CPA6: variants seen among roughly 807,000 people sequenced by gnomAD.
CPA6 encodes carboxypeptidase B.
CPA6 carries 58 observed loss-of-function variants against 63.3 expected under a neutral mutation model. The observed-to-expected ratio is 0.92, with a 90% confidence interval of 0.74 to 1.14. The LOEUF (loss-of-function observed/expected upper bound fraction) is 1.14, where lower values mean the gene tolerates loss of function less well. Ranked by LOEUF, CPA6 falls within the 50% of genes most tolerant of loss-of-function variation. CPA6 has a pLI of 0.00. For missense variants in CPA6, 565 were observed against 526.6 expected, an observed-to-expected ratio of 1.07 and a Z score of -0.71; for synonymous variants, 185 against 179.0, an observed-to-expected ratio of 1.03 and a Z score of -0.27.
At chr8:67,685,544 G>A (rs780990796) in intron 1 of CPA6, among the ~76,000 whole-genome samples, 4 of 152,192 alleles carry the variant, frequency 2.6e-5, no homozygotes, top group African/African-American at 9.6e-5. Flanking sequence ...GCGTGAGCCC[G>A]GGAGGCGGAG....
chr8:67,454,975 G>A (rs1409322102), intron 8 of CPA6, among the ~76,000 whole-genome samples: 1 of 152,096 alleles, frequency 6.6e-6, no homozygotes, highest in Non-Finnish European at 1.5e-5. Flanking sequence ...GAGAGAGCAG[G>A]GAAGATTAGG....
intron 1 of CPA6, among the ~76,000 whole-genome samples, chr8:67,653,656 G>A (rs1195390613): frequency 6.6e-6 from 1 of 152,060 alleles, no homozygotes; most frequent in Non-Finnish European, 1.5e-5. Context: ...AGACAATGGG[G>A]TTTTCTAGAT....
At chr8:67,444,490 G>A (rs1044410361) in intron 8 of CPA6, among the ~76,000 whole-genome samples, 1 of 151,772 alleles carries the variant, frequency 6.6e-6, no homozygotes, top group Non-Finnish European at 1.5e-5. Context: ...ATCATTTTGT[G>A]AAAGTAAAAT....
chr8:67,596,007 T>G (rs904062856), intron 2 of CPA6, among the ~76,000 whole-genome samples: 13 of 152,244 alleles, frequency 8.5e-5, no homozygotes, highest in Admixed American at 5.2e-4. Flanking sequence ...ACTGGAGCTG[T>G]TCCTATTCGG....
intron 1 of CPA6, among the ~76,000 whole-genome samples, chr8:67,634,173 G>A (rs1815409697): frequency 7.4e-6 from 1 of 135,540 alleles, no homozygotes; most frequent in Non-Finnish European, 1.5e-5. Flanking sequence ...CCAAGTCACT[G>A]GATTTAATTA....
In CPA6 at chr8:67,628,389, C is replaced by G. The variant is rs147955638; in HGVS notation, c.117-4138G>C. Among the ~76,000 whole-genome samples the G allele has an allele frequency of 4.6e-5, 7 of 152,300 alleles. No homozygotes were observed. In the East Asian group the frequency reaches 1.4e-3, roughly 29 times the overall value. On this transcript the variant is annotated intron_variant, in intron 1 of 10. Transcript: ENST00000297770. Reference sequence around the variant, plus strand: ...AAGCTTCAGATGTTTCCTTGTGGCTCCTGGCATGACCTTTCGCAACTGATT... The same window carrying G: ...AAGCTTCAGATGTTTCCTTGTGGCTGCTGGCATGACCTTTCGCAACTGATT...
chr8:67,737,982 C>T (rs60257285), intron 1 of CPA6, among the ~76,000 whole-genome samples: 24,091 of 152,048 alleles, frequency 0.16, 3,375 homozygotes, highest in African/African-American at 0.38. Context: ...TTGTCCCTTC[C>T]GGTCCCGACA....
intron 1 of CPA6, among the ~76,000 whole-genome samples, chr8:67,637,406 TATA>T (rs1241156804): frequency 2.0e-5 from 3 of 151,690 alleles, no homozygotes; most frequent in East Asian, 1.9e-4. Context: ...ATTAATTTCT[TATA>T]ATAAGATATC....
intron 2 of CPA6, among the ~76,000 whole-genome samples, chr8:67,596,956 A>G (rs142439593): frequency 1.4e-4 from 21 of 152,276 alleles, no homozygotes; most frequent in Admixed American, 2.6e-4. Flanking sequence ...TTCTCAGTGC[A>G]TCATTTCAGG....
chr8:67,475,722 C>T (rs1811157462), intron 8 of CPA6, among the ~76,000 whole-genome samples: 1 of 151,510 alleles, frequency 6.6e-6, no homozygotes, highest in Non-Finnish European at 1.5e-5. Flanking sequence ...CCTTCCTTCC[C>T]TTCTCTTTTT....
At chr8:67,471,913 A>T (rs947048834) in intron 8 of CPA6, among the ~76,000 whole-genome samples, 7 of 152,222 alleles carry the variant, frequency 4.6e-5, no homozygotes, top group Admixed American at 2.6e-4. Context: ...TAAAAATGGT[A>T]ACAAGGACCC....
At chr8:67,595,089 C>T (rs2128981971) in intron 2 of CPA6, among the ~76,000 whole-genome samples, 1 of 152,230 alleles carries the variant, frequency 6.6e-6, no homozygotes. Flanking sequence ...TGTTAGTTTT[C>T]CTTCTAACAG....
At chr8:67,607,169 CTCTTCTTCTTCT>C (rs1211819002) in intron 2 of CPA6, among the ~76,000 whole-genome samples, 758 of 28,324 alleles carry the variant, frequency 0.027, 31 homozygotes, top group East Asian at 0.028. Flanking sequence ...CTTCTTCTTC[CTCTTCTTCTTCT>C]TCTTCTTCTT....
intron 2 of CPA6, among the ~76,000 whole-genome samples, chr8:67,522,953 A>G (rs1503365): frequency 0.35 from 53,138 of 152,146 alleles, 9,268 homozygotes; most frequent in Middle Eastern, 0.48. Flanking sequence ...TCTGGCTGAC[A>G]AAGTGGTACC....
intron 8 of CPA6, among the ~76,000 whole-genome samples, chr8:67,459,340 A>G (rs1810748207): frequency 6.6e-6 from 1 of 152,144 alleles, no homozygotes; most frequent in Admixed American, 6.5e-5. Context: ...TTTCTTTATA[A>G]TTGACAAAAT....
chr8:67,715,699 A>C (rs931254103), intron 1 of CPA6, among the ~76,000 whole-genome samples: 4 of 152,232 alleles, frequency 2.6e-5, no homozygotes, highest in Non-Finnish European at 4.4e-5. Flanking sequence ...TTCTTTAATA[A>C]ATTTATAGAC....
At chr8:67,526,965 T>C (rs1388898786) in intron 2 of CPA6, among the ~76,000 whole-genome samples, 2 of 152,040 alleles carry the variant, frequency 1.3e-5, no homozygotes, top group African/African-American at 4.8e-5. Flanking sequence ...TTTCACTACG[T>C]TTTGCTAGCT....
At chr8:67,635,819 T>A (rs1374909035) in intron 1 of CPA6, among the ~76,000 whole-genome samples, 1 of 151,662 alleles carries the variant, frequency 6.6e-6, no homozygotes, top group Non-Finnish European at 1.5e-5. Context: ...TTTTCTCTAT[T>A]GGTATAAGCC....
intron 2 of CPA6, among the ~76,000 whole-genome samples, chr8:67,575,991 A>G (rs577807881): frequency 6.6e-6 from 1 of 152,332 alleles, no homozygotes; most frequent in African/African-American, 2.4e-5. Context: ...AAACAATTGA[A>G]TTCATGGGAA....
Sources: gnomAD v4.1 joint callset for allele counts (sites outside exome capture counted in the v4.1 genomes callset) on GRCh38, gnomAD v4.1.1 for gene constraint, MANE v1.5 for transcripts, NCBI Gene and HGNC (gene_info 2026-07-23, HGNC 2026-07-21) for gene names.